The following PDE8B variants were observed in gnomAD, a reference collection of about 807,000 sequenced individuals.
The protein encoded by PDE8B is high affinity cAMP-specific and IBMX-insensitive 3',5'-cyclic phosphodiesterase 8B.
Under a neutral mutation model 101.3 loss-of-function variants are expected in PDE8B, and 26 were observed. That is an observed-to-expected ratio of 0.26 (90% confidence interval 0.19 to 0.36). PDE8B has a LOEUF of 0.36. Among genes scored for constraint, PDE8B ranks in the 10% least tolerant of loss-of-function variants. PDE8B has a pLI of 1.00. For synonymous variants in PDE8B, 424 were observed against 429.3 expected, an observed-to-expected ratio of 0.99 and a Z score of 0.15; for missense variants, 810 against 1,163.1, an observed-to-expected ratio of 0.70 and a Z score of 4.42.
At chr5:77,231,718 G>T (rs1309806041) in intron 1 of PDE8B, among the ~76,000 whole-genome samples, 1 of 152,180 alleles carries the variant, frequency 6.6e-6, no homozygotes, top group East Asian at 1.9e-4. Flanking sequence ...TGTGAGCATA[G>T]ATAAGGAAAG....
At chr5:77,282,004 G>T (rs1765112254) in intron 1 of PDE8B, among the ~76,000 whole-genome samples, 1 of 152,058 alleles carries the variant, frequency 6.6e-6, no homozygotes, top group South Asian at 2.1e-4. Flanking sequence ...CTCTGCTAAG[G>T]ACTTTATATA....
chr5:77,333,919 C>G (rs1777615687), intron 5 of PDE8B, among the ~76,000 whole-genome samples: 1 of 152,216 alleles, frequency 6.6e-6, no homozygotes, highest in Non-Finnish European at 1.5e-5. Flanking sequence ...CAGGGACCAC[C>G]TGGTGTTCTT....
intron 1 of PDE8B, among the ~76,000 whole-genome samples, chr5:77,269,743 A>G (rs760266258): frequency 2.0e-5 from 3 of 152,122 alleles, no homozygotes; most frequent in Non-Finnish European, 2.9e-5. Flanking sequence ...TTTCTTCAAT[A>G]TATATTCTTG....
intron 2 of PDE8B, among the ~76,000 whole-genome samples, chr5:77,318,486 C>T (rs1391865723): frequency 6.6e-6 from 1 of 152,184 alleles, no homozygotes; most frequent in Non-Finnish European, 1.5e-5. Flanking sequence ...CAGCTATGGA[C>T]AAGTTTTTTA....
intron 1 of PDE8B, among the ~76,000 whole-genome samples, chr5:77,240,245 C>T (rs1000670773): frequency 1.4e-4 from 21 of 152,196 alleles, no homozygotes; most frequent in Non-Finnish European, 2.5e-4. Context: ...GCTCCGCCTC[C>T]CGGGTTCACG....
At chr5:77,244,613 C>G (rs1436731173) in intron 1 of PDE8B, among the ~76,000 whole-genome samples, 1 of 152,086 alleles carries the variant, frequency 6.6e-6, no homozygotes, top group East Asian at 1.9e-4. Context: ...GTATATAGTT[C>G]TCACTTTATA....
At chr5:77,411,900 A>G (rs1004539731) in intron 15 of PDE8B, among the ~76,000 whole-genome samples, 179 bp downstream of exon 15, 6 of 152,256 alleles carry the variant, frequency 3.9e-5, no homozygotes, top group African/African-American at 1.4e-4. Context: ...GAGCACAGTT[A>G]GAGTAAGAAT....
intron 19 of PDE8B, 82 bp downstream of exon 19, chr5:77,419,969 C>A: frequency 6.7e-7 from 1 of 1,499,202 alleles, no homozygotes; most frequent in Non-Finnish European, 9.3e-7. Flanking sequence ...CATTTTCTCT[C>A]CCACTCAAAT....
chr5:77,174,275 G>T, the PDE8B span, among the ~76,000 whole-genome samples: 1 of 152,108 alleles, frequency 6.6e-6, no homozygotes, highest in Admixed American at 6.6e-5. Flanking sequence ...TGCCCACCCT[G>T]TCTCTGTTTT....
chr5:77,099,435 A>G, the PDE8B span, among the ~76,000 whole-genome samples: 1 of 152,146 alleles, frequency 6.6e-6, no homozygotes, highest in Non-Finnish European at 1.5e-5. Flanking sequence ...AAGAGAATAG[A>G]TGGGAGATGG....
intron 10 of PDE8B, among the ~76,000 whole-genome samples, chr5:77,396,102 A>AT (rs1459821453): frequency 1.3e-5 from 2 of 151,740 alleles, no homozygotes; most frequent in African/African-American, 4.9e-5. Context: ...ACTGCTCCAA[A>AT]TTAGCTACTT....
At chr5:77,095,966 T>C in the PDE8B span, among the ~76,000 whole-genome samples, 4 of 152,262 alleles carry the variant, frequency 2.6e-5, no homozygotes, top group Non-Finnish European at 4.4e-5. Context: ...TGGAAAAGCA[T>C]TGAAATCCTT....
At chr5:77,111,173 A>C in the PDE8B span, among the ~76,000 whole-genome samples, 1 of 152,238 alleles carries the variant, frequency 6.6e-6, no homozygotes, top group African/African-American at 2.4e-5. Context: ...TTATGGCAAT[A>C]GTTCAGGTGA....
At chr5:77,122,296 CAT>C in the PDE8B span, among the ~76,000 whole-genome samples, 3 of 152,216 alleles carry the variant, frequency 2.0e-5, no homozygotes, top group East Asian at 5.8e-4. Context: ...TTCCTGCACA[CAT>C]AATGTAACAG....
intron 1 of PDE8B, among the ~76,000 whole-genome samples, chr5:77,293,019 G>A (rs563631118): frequency 2.0e-4 from 30 of 151,838 alleles, no homozygotes; most frequent in Admixed American, 5.9e-4. Context: ...AGTAATTTGG[G>A]TATATGTCAT....
At chr5:77,101,273 T>C in the PDE8B span, among the ~76,000 whole-genome samples, 1 of 151,970 alleles carries the variant, frequency 6.6e-6, no homozygotes. Flanking sequence ...ACCAGGTCAA[T>C]TTTTTTCTTT....
intron 10 of PDE8B, among the ~76,000 whole-genome samples, chr5:77,386,030 A>T (rs1214662124): frequency 6.6e-6 from 1 of 151,988 alleles, no homozygotes; most frequent in East Asian, 1.9e-4. Flanking sequence ...CTTGTTATCC[A>T]CCTGCCTTGG....
the PDE8B span, among the ~76,000 whole-genome samples, chr5:77,164,799 A>C: frequency 1.3e-5 from 2 of 152,188 alleles, no homozygotes; most frequent in Non-Finnish European, 2.9e-5. Context: ...GGGACACAGC[A>C]GGAGTGACTT....
intron 1 of PDE8B, among the ~76,000 whole-genome samples, chr5:77,263,823 G>A (rs1453694051): frequency 6.6e-6 from 1 of 152,058 alleles, no homozygotes; most frequent in Non-Finnish European, 1.5e-5. Context: ...CCCCTTTAAA[G>A]CATACAACTT....
Sources: allele counts gnomAD v4.1 joint callset (sites outside exome capture counted in the v4.1 genomes callset), GRCh38; gene constraint gnomAD v4.1.1; transcripts MANE v1.5; gene names NCBI Gene and HGNC (gene_info 2026-07-23, HGNC 2026-07-21).